Variants in EPN1 observed in about 807,000 individuals in gnomAD.
EPN1 encodes epsin 1.
Under a neutral mutation model 56.9 loss-of-function variants are expected in EPN1, and 25 were observed. The observed-to-expected ratio is 0.44, with a 90% CI of 0.32 to 0.61. EPN1 has a LOEUF of 0.61. EPN1 is among the 20% of genes least tolerant of loss of function. The probability of loss-of-function intolerance (pLI) is 0.05; values close to 1 mark genes in which losing one functional copy is unlikely to be tolerated. For synonymous variants in EPN1, 411 were observed against 361.8 expected, an observed-to-expected ratio of 1.14 and a Z score of -1.54; for missense variants, 785 against 823.7, an observed-to-expected ratio of 0.95 and a Z score of 0.58.
Position 55,692,730 on chromosome 19 carries a change from C to A in EPN1, c.1111C>A (p.Pro371Thr). The A allele has an allele frequency of 6.4e-7, 1 of 1,569,628 alleles. No individual in the cohort carries two copies. The highest frequency in any genetic ancestry group is 1.4e-5 in the African/African-American group (1 of 73,930). ...SGPSASDPWTPAPAFSDPWGG... is the reference protein window; with the variant it reads ...SGPSASDPWTTAPAFSDPWGG... ...GCCCTCAGCCTCCGATCCCTGGACA[C>A]CGGCCCCGGCCTTCTCAGATCCCTG... Residue 371 changes from proline to threonine, a missense_variant, in exon 8 of 11, where the codon CCG becomes ACG. Transcript: ENST00000270460.
At chr19:55,677,222 T>C (rs1985497093) in intron 1 of EPN1, 2 of 1,475,254 alleles carry the variant, frequency 1.4e-6, no homozygotes, top group Non-Finnish European at 1.9e-6. Context: ...GAGTAAGGTG[T>C]GTGTCCCTGG....
chr19:55,695,088 G>A lies in EPN1; in HGVS notation c.1523-60G>A, dbSNP rs1986832782. Reference sequence around the variant, plus strand: ...CGCCCTTTGCCTGCACATGCTGGATGGACACAGGTGGGCTGCGCCACTGAC... The same window carrying A: ...CGCCCTTTGCCTGCACATGCTGGATAGACACAGGTGGGCTGCGCCACTGAC... On this transcript the variant is annotated intron_variant, in intron 10 of 10. Transcript: ENST00000270460. This position sits in a 1 kb window ranked among gnomAD's most constrained non-coding sequence, Gnocchi z 4.4. 1 of 1,609,610 alleles carries A rather than the reference G, an allele frequency of 6.2e-7. No homozygotes were observed. The highest frequency in any genetic ancestry group is 8.5e-7 in the Non-Finnish European group (1 of 1,177,448).
At position 55,678,762 on chromosome 19, in the gene EPN1, C is replaced by T. The variant is rs751165306; in HGVS notation, c.135C>T (p.Asp45=). 12 of 1,614,200 alleles carry T rather than the reference C, an allele frequency of 7.4e-6. No individual in the cohort carries two copies. In the South Asian group the frequency reaches 8.8e-5, roughly 12 times the overall value. ...PSSSLMSEIA[D]LTYNVVAFSE... ...GCTCCCTCATGTCAGAGATTGCCGA[C>T]CTCACCTACAACGTTGTCGCCTTCT... The change falls in exon 2 of 11, where the codon GAC becomes GAT. Residue 45 remains aspartate, a synonymous_variant. Transcript: ENST00000270460.
In EPN1 at chr19:55,691,704, C is replaced by T. The variant is rs761409753; in HGVS notation, c.763-50C>T. 24 of 1,564,640 alleles carry T rather than the reference C, an allele frequency of 1.5e-5. No individual in the cohort carries two copies. The South Asian group carries it at 2.6e-4, about 17-fold the overall frequency. ...ACGGGCCCCAGCTTGGTCCCTGTCC[C>T]AGGCTTCCCACCACTTCTTCATGCT... On this transcript the variant is annotated intron_variant, in intron 6 of 10. Transcript: ENST00000270460. The surrounding 1 kb of genome is among the most constrained non-coding windows in gnomAD (Gnocchi z 5.6).
At chr19:55,676,327 T>A (rs1167014544) in intron 1 of EPN1, among the ~76,000 whole-genome samples, 1 of 152,256 alleles carries the variant, frequency 6.6e-6, no homozygotes, top group Non-Finnish European at 1.5e-5. Context: ...TCCTTTGTAT[T>A]CTTTTTAATG....
rs1420305477 is a variant in EPN1, at chr19:55,677,085, CCT to C, written c.-101-1436_-101-1435del. On this transcript the variant is annotated intron_variant, in intron 1 of 10. Coordinates refer to ENST00000270460, the MANE Select transcript of EPN1 (RefSeq NM_001130072.2). ...GGCCTGAGGTGGAAGCAGAGGCCAGCCTCTCTCCGTCATCCCTATCTCCCCTG... is the reference window on the plus strand; with the variant it reads ...GGCCTGAGGTGGAAGCAGAGGCCAGCCTCTCCGTCATCCCTATCTCCCCTG... 7.8e-6 allele frequency: 12 copies of C among 1,534,174 alleles called. No individual in the cohort carries two copies. In the Admixed American group the frequency reaches 1.6e-4, roughly 20 times the overall value.
chr19:55,685,386 C>A lies in EPN1; in HGVS notation c.229-10C>A. 1 of 1,607,896 alleles carries A rather than the reference C, an allele frequency of 6.2e-7. No homozygotes were observed. Among genetic ancestry groups the A allele is most frequent in the Admixed American group, 1.7e-5 (1 of 59,392 alleles). On this transcript the variant is annotated splice_polypyrimidine_tract_variant and intron_variant, in intron 2 of 10. Transcript: ENST00000270460. ...GCGTGCTGACCGGGCATCCCCGTGC[C>A]CGCTCGCAGGCCATGACGCTGATGG...
rs750980002 is a variant in EPN1, at chr19:55,708,843, G to A, written c.*13487G>A. On this transcript the variant is annotated 3_prime_UTR_variant, in exon 11 of 11. Coordinates refer to ENST00000270460, the MANE Select transcript of EPN1 (RefSeq NM_001130072.2). ...CATGATGTGCAATTACAGGATAGAG[G>A]TGCCAGGTGAAGGTCCCACTGTGGC... The A allele has an allele frequency of 1.3e-5, 15 of 1,116,016 alleles. No individual in the cohort carries two copies. The highest frequency in any genetic ancestry group is 1.8e-5 in the South Asian group (1 of 56,500). The allele number at this position is 1,116,016 out of a possible 1,614,324, so 69.1% of individuals were successfully genotyped here.
Position 55,691,672 on chromosome 19 carries a change from C to T in EPN1, c.763-82C>T. 1.5e-6 allele frequency: 2 copies of T among 1,340,530 alleles called. No individual in the cohort carries two copies. The highest frequency in any genetic ancestry group is 2.1e-6 in the Non-Finnish European group (2 of 957,766). 83.0% of individuals were successfully genotyped at this position (1,340,530 alleles called of 1,614,324 possible). A position where few individuals can be genotyped will look rare whatever the true frequency, so the allele number is the denominator to read the frequency against. On this transcript the variant is annotated intron_variant, in intron 6 of 10. Coordinates refer to ENST00000270460, the MANE Select transcript of EPN1 (RefSeq NM_001130072.2). This position sits in a 1 kb window ranked among gnomAD's most constrained non-coding sequence, Gnocchi z 5.6. ...TGGACACCCAGGGCCTGGCCGCCTC[C>T]CCCGCCACGGGCCCCAGCTTGGTCC...
At chr19:55,693,544 C>T (rs1048265736) in intron 9 of EPN1, among the ~76,000 whole-genome samples, 2 of 152,198 alleles carry the variant, frequency 1.3e-5, no homozygotes, top group Admixed American at 6.5e-5. Context: ...CGCCCATCGC[C>T]GGTGACGGGC....
intron 2 of EPN1, among the ~76,000 whole-genome samples, chr19:55,684,760 A>G (rs977107854): frequency 2.6e-5 from 4 of 152,200 alleles, no homozygotes; most frequent in African/African-American, 9.7e-5. Flanking sequence ...CTTCATTGTG[A>G]TTTAACTAAT....
intron 1 of EPN1, among the ~76,000 whole-genome samples, chr19:55,676,211 T>C (rs1985411156): frequency 6.6e-6 from 1 of 152,246 alleles, no homozygotes; most frequent in African/African-American, 2.4e-5. Flanking sequence ...AAGTGTGTAA[T>C]TACTGGGAGC....
chr19:55,686,529 C>T (rs1241155213), intron 3 of EPN1, among the ~76,000 whole-genome samples: 2 of 152,032 alleles, frequency 1.3e-5, no homozygotes, highest in Non-Finnish European at 2.9e-5. Context: ...GGGTCCGGCT[C>T]GAGGGACTGG....
In EPN1 at chr19:55,677,604, C is replaced by G. The variant is rs367940444; in HGVS notation, c.-101-923C>G. ...AAGGTAATGTCCCTCTTGTGCTGAGCGAGCACCTGGCACACAGCAGGGACC... is the reference window on the plus strand; with the variant it reads ...AAGGTAATGTCCCTCTTGTGCTGAGGGAGCACCTGGCACACAGCAGGGACC... On this transcript the variant is annotated intron_variant, in intron 1 of 10. Coordinates refer to ENST00000270460, the MANE Select transcript of EPN1 (RefSeq NM_001130072.2). 15 of 1,551,242 alleles carry G rather than the reference C, an allele frequency of 9.7e-6. No individual in the cohort carries two copies. The African/African-American group carries it at 1.2e-4, about 13-fold the overall frequency.
At position 55,677,538 on chromosome 19, in the gene EPN1, T is replaced by C. The variant is rs974866779; in HGVS notation, c.-101-989T>C. 4 of 1,467,320 alleles carry C rather than the reference T, an allele frequency of 2.7e-6. No individual in the cohort carries two copies. In the African/African-American group the frequency reaches 4.2e-5, roughly 15 times the overall value. The allele number at this position is 1,467,320 out of a possible 1,614,324, so 90.9% of individuals were successfully genotyped here. On this transcript the variant is annotated intron_variant, in intron 1 of 10. Transcript: ENST00000270460. ...CTGGTGTGTGACCTTGGTTGAATTA[T>C]TTAACTTCCAGGAGCCCAGTCTTTG...
rs1290065680 is a variant in EPN1, at chr19:55,691,003, CG to C, written c.763-747del. 1.3e-5 allele frequency among the ~76,000 whole-genome samples: 2 copies of C among 152,204 alleles called. No homozygotes were observed. Among genetic ancestry groups the C allele is most frequent in the Non-Finnish European group, 2.9e-5 (2 of 68,040 alleles). On this transcript the variant is annotated intron_variant, in intron 6 of 10. Coordinates refer to ENST00000270460, the MANE Select transcript of EPN1 (RefSeq NM_001130072.2). This position sits in a 1 kb window ranked among gnomAD's most constrained non-coding sequence, Gnocchi z 5.6. ...GCTCTTCTCCCCTTCCCATCCCCGC[CG>C]GGGCCTTTGCCTCACGGGTGCTGAC...
At chr19:55,692,137 C>A in intron 7 of EPN1, 80 bp downstream of exon 7, 1 of 1,318,756 alleles carries the variant, frequency 7.6e-7, no homozygotes, top group Non-Finnish European at 9.8e-7. Flanking sequence ...TGGACAGGGA[C>A]AGATCGAGCC....
chr19:55,692,553 G>A, intron 7 of EPN1, 133 bp from the exon 8 acceptor site: 1 of 569,370 alleles, frequency 1.8e-6, no homozygotes, highest in Non-Finnish European at 3.1e-6. Flanking sequence ...TGTGCGGGAG[G>A]CCGGGTGGGG....
intron 3 of EPN1, 116 bp from the exon 4 acceptor site, chr19:55,688,754 G>A (rs921654476): frequency 7.0e-7 from 1 of 1,438,434 alleles, no homozygotes; most frequent in East Asian, 2.5e-5. Context: ...GAGGTTGTAG[G>A]GTGGGGGACT....
Sources: allele counts gnomAD v4.1 joint callset (sites outside exome capture counted in the v4.1 genomes callset), GRCh38; gene constraint gnomAD v4.1.1; non-coding constraint Gnocchi (gnomAD v3.1); transcripts MANE v1.5; gene names NCBI Gene and HGNC (gene_info 2026-07-23, HGNC 2026-07-21).